Variants in DGKI observed in about 807,000 individuals in gnomAD.
DGKI encodes diacylglycerol kinase iota.
DGKI carries 55 observed loss-of-function variants against 147.5 expected under a neutral mutation model. The observed-to-expected ratio is 0.37, with a 90% CI of 0.30 to 0.47. The LOEUF (loss-of-function observed/expected upper bound fraction) is 0.47. DGKI is among the 20% of genes least tolerant of loss of function. The pLI is 1.00. For missense variants in DGKI, 1,007 were observed against 1,323.8 expected (o/e 0.76, Z 3.71); for synonymous variants, 469 against 477.1 (o/e 0.98, Z 0.22).
At chr7:137,469,442 A>G in intron 24 of DGKI, 108 bp downstream of exon 24, 1 of 1,114,762 alleles carries the variant, frequency 9.0e-7, no homozygotes, top group Non-Finnish European at 1.3e-6. Context: ...AGTCACATGA[A>G]GGCTTTCTGA....
chr7:137,789,857 T>G (rs1191838467), intron 1 of DGKI, among the ~76,000 whole-genome samples: 1 of 152,194 alleles, frequency 6.6e-6, no homozygotes, highest in Non-Finnish European at 1.5e-5. Flanking sequence ...AAGGGGCACT[T>G]GGAAAATATT....
At chr7:137,601,834 T>C (rs1282333495) in intron 10 of DGKI, among the ~76,000 whole-genome samples, 1 of 152,210 alleles carries the variant, frequency 6.6e-6, no homozygotes, top group East Asian at 1.9e-4. Context: ...AGGTCTTTTG[T>C]TGCATGTACC....
At position 137,463,610 on chromosome 7, in the gene DGKI, T is replaced by C. The variant is rs1409393710; in HGVS notation, c.2614A>G (p.Ile872Val). 1 of 1,613,906 alleles carries C rather than the reference T, an allele frequency of 6.2e-7. No individual in the cohort carries two copies. The highest frequency in any genetic ancestry group is 1.3e-5 in the African/African-American group (1 of 74,908). ...PDLVVEQASG[I>V]SDWWNPALRK... ...AGGGCAGGATTCCACCAGTCTGAGA[T>C]CCTGAGAGAAAGAAGGGCACCAGAC... Residue 872 changes from isoleucine (I) to valine (V), a missense_variant and splice_region_variant, in exon 27 of 33, where the codon ATC becomes GTC. Around this residue, in one of 5 missense-constraint regions of DGKI, gnomAD observed 385 missense variants for 445.2 expected, o/e 0.86. Transcript: ENST00000614521.
intron 1 of DGKI, among the ~76,000 whole-genome samples, chr7:137,691,677 T>C (rs1482144726): frequency 6.6e-6 from 1 of 152,088 alleles, no homozygotes; most frequent in Non-Finnish European, 1.5e-5. Context: ...TTGAGCAAGA[T>C]GAACAGTAGC....
At chr7:137,598,091 C>T (rs1474925201) in intron 11 of DGKI, among the ~76,000 whole-genome samples, 184 bp from the exon 12 acceptor site, 2 of 152,168 alleles carry the variant, frequency 1.3e-5, no homozygotes, top group African/African-American at 4.8e-5. Flanking sequence ...ACCAGTGGAA[C>T]AGGTGTAGGC....
At chr7:137,559,536 T>C (rs531071459) in intron 19 of DGKI, among the ~76,000 whole-genome samples, 1 of 151,736 alleles carries the variant, frequency 6.6e-6, no homozygotes, top group African/African-American at 2.4e-5. Flanking sequence ...TTCTGCAAAT[T>C]AAAAAAAATA....
intron 8 of DGKI, among the ~76,000 whole-genome samples, chr7:137,618,616 T>C (rs1264103622): frequency 6.6e-6 from 1 of 151,788 alleles, no homozygotes; most frequent in Admixed American, 6.6e-5. Flanking sequence ...CTTGGAGAGA[T>C]TACCAAATTT....
rs1437366986 is a variant in DGKI at position 137,572,856 on chromosome 7, G to T, written c.1762-18C>A. The T allele has an allele frequency of 6.3e-7, 1 of 1,591,918 alleles. No homozygotes were observed. The highest frequency in any genetic ancestry group is 1.8e-5 in the Admixed American group (1 of 55,792). On this transcript the variant is annotated intron_variant, in intron 17 of 32. Coordinates refer to ENST00000614521, the MANE Select transcript of DGKI (RefSeq NM_001321708.2). ...CCATCACACTGAAACAATGAAAACA[G>T]AAAAGGGGTTTTGAAGTAGTCACAA...
intron 20 of DGKI, among the ~76,000 whole-genome samples, chr7:137,526,027 G>A (rs1275632085): frequency 6.6e-6 from 1 of 152,086 alleles, no homozygotes; most frequent in Non-Finnish European, 1.5e-5. Context: ...GAAGTGCATA[G>A]AGATTAAATG....
chr7:137,674,646 G>C (rs1307468755), intron 3 of DGKI, among the ~76,000 whole-genome samples: 1 of 152,026 alleles, frequency 6.6e-6, no homozygotes, highest in Non-Finnish European at 1.5e-5. Flanking sequence ...ATTTTTCTCT[G>C]ACACATGCTC....
intron 1 of DGKI, among the ~76,000 whole-genome samples, chr7:137,798,653 CAA>C (rs1389716617): frequency 6.6e-6 from 1 of 152,078 alleles, no homozygotes; most frequent in Non-Finnish European, 1.5e-5. Flanking sequence ...CTCCTGAGCT[CAA>C]GCAATCCACC....
chr7:137,476,792 T>A (rs1328761957), intron 23 of DGKI, among the ~76,000 whole-genome samples: 1 of 152,170 alleles, frequency 6.6e-6, no homozygotes, highest in African/African-American at 2.4e-5. Context: ...GTGGTGAGAA[T>A]TTAAGTAAAC....
chr7:137,707,649 T>A (rs1399259414), intron 1 of DGKI, among the ~76,000 whole-genome samples: 1 of 152,170 alleles, frequency 6.6e-6, no homozygotes, highest in Non-Finnish European at 1.5e-5. Flanking sequence ...TCTGGTCATA[T>A]AAGATGTGCC....
At chr7:137,843,306 T>C (rs1376067162) in intron 1 of DGKI, 2 of 430,284 alleles carry the variant, frequency 4.6e-6, no homozygotes, top group African/African-American at 4.3e-5. Context: ...CTACACAGTA[T>C]ATAGTCATTT....
At chr7:137,812,337 G>C (rs1485787757) in intron 1 of DGKI, among the ~76,000 whole-genome samples, 1 of 152,166 alleles carries the variant, frequency 6.6e-6, no homozygotes, top group African/African-American at 2.4e-5. Flanking sequence ...CATGGTAATT[G>C]CTCAATAAAT....
chr7:137,792,170 A>C, intron 1 of DGKI, among the ~76,000 whole-genome samples: 1 of 152,324 alleles, frequency 6.6e-6, no homozygotes, highest in East Asian at 1.9e-4. Context: ...CCGGCTTCCA[A>C]GAATCACAAG....
At chr7:137,584,777 G>A (rs924252905) in intron 14 of DGKI, among the ~76,000 whole-genome samples, 5 of 152,124 alleles carry the variant, frequency 3.3e-5, no homozygotes, top group African/African-American at 4.8e-5. Context: ...GGTAACACTG[G>A]CATAGTTAAT....
intron 6 of DGKI, among the ~76,000 whole-genome samples, chr7:137,638,231 C>T (rs748370402): frequency 1.9e-4 from 29 of 151,846 alleles, no homozygotes; most frequent in Non-Finnish European, 3.7e-4. Context: ...TTGCTGGTGG[C>T]TCTCTGGACC....
chr7:137,521,920 T>G lies in DGKI; in HGVS notation c.2194A>C (p.Ser732Arg). 1.2e-6 allele frequency: 2 copies of G among 1,612,202 alleles called. No homozygotes were observed. Among genetic ancestry groups the G allele is most frequent in the Non-Finnish European group, 1.7e-6 (2 of 1,178,866 alleles). The change falls in exon 21 of 33, where the codon AGT becomes CGT. Residue 732 changes from serine (S) to arginine (R), a missense_variant. By Grantham distance (110) the Ser-to-Arg change is moderately radical (BLOSUM62 -1). Coordinates refer to ENST00000614521, the MANE Select transcript of DGKI (RefSeq NM_001321708.2). ...DRLRIRVNKI[S>R]LQDYEGFHYD... The stretch of plus-strand genomic sequence containing the variant: ...TGGAATCCTTCATAGTCTTGTAAAC[T>G]GATTTTGTTCACCCGGATCCTCAGA...
Sources: allele counts gnomAD v4.1 joint callset (sites outside exome capture counted in the v4.1 genomes callset), GRCh38; gene constraint gnomAD v4.1.1; regional missense constraint gnomAD v4.1.1; transcripts MANE v1.5; gene names NCBI Gene and HGNC (gene_info 2026-07-23, HGNC 2026-07-21).